PCYT1B: variants seen among roughly 807,000 people sequenced by gnomAD.
PCYT1B encodes choline-phosphate cytidylyltransferase B.
Under a neutral mutation model 26.4 loss-of-function variants are expected in PCYT1B, and 10 were observed. That is an observed-to-expected ratio of 0.38 (90% CI 0.23 to 0.64). The LOEUF is 0.64. Ranked by LOEUF, PCYT1B falls within the 30% of genes least tolerant of loss-of-function variation. The pLI, the probability that PCYT1B is intolerant of heterozygous loss-of-function variation, is 0.56. For synonymous variants in PCYT1B, 131 were observed against 108.4 expected (o/e 1.21, Z -1.29); for missense variants, 161 against 292.7 (o/e 0.55, Z 3.28).
intron 6 of PCYT1B, among the ~76,000 whole-genome samples, chrX:24,576,664 A>T (rs942982961): frequency 1.8e-5 from 2 of 111,297 alleles, no homozygotes; most frequent in Admixed American, 1.9e-4. Flanking sequence ...AGAGTCCTTG[A>T]TTTCGACCTT....
intron 7 of PCYT1B, among the ~76,000 whole-genome samples, chrX:24,571,678 G>T (rs1923832622): frequency 9.0e-6 from 1 of 111,236 alleles, no homozygotes; most frequent in South Asian, 3.8e-4. Context: ...GCACCTTGGT[G>T]GGCCAAGGCA....
intron 3 of PCYT1B, among the ~76,000 whole-genome samples, chrX:24,603,653 T>C (rs1427792067): frequency 9.1e-6 from 1 of 109,808 alleles, no homozygotes; most frequent in Non-Finnish European, 1.9e-5. Flanking sequence ...AGCCCGGGAG[T>C]TTGAGGCTGC....
At chrX:24,633,920 T>C (rs1306915709) in intron 1 of PCYT1B, among the ~76,000 whole-genome samples, 1 of 110,664 alleles carries the variant, frequency 9.0e-6, no homozygotes, top group Non-Finnish European at 1.9e-5. Flanking sequence ...AAGAAAAATA[T>C]CTATTTTTGT....
At chrX:24,627,292 G>T (rs969805945) in intron 1 of PCYT1B, among the ~76,000 whole-genome samples, 9 of 112,085 alleles carry the variant, frequency 8.0e-5, no homozygotes, top group African/African-American at 2.9e-4. Flanking sequence ...ACACTGTAAA[G>T]ACTGGCTTTC....
rs1167690967 is a variant in PCYT1B at position 24,559,696 on chromosome X, T to C, written c.*2597A>G. Reference sequence around the variant, plus strand: ...CCCCTCCAAGCTTGGGGCATATTTCTCATTCCAGCCTTAACTCACTCTTGG... The same window carrying C: ...CCCCTCCAAGCTTGGGGCATATTTCCCATTCCAGCCTTAACTCACTCTTGG... On this transcript the variant is annotated 3_prime_UTR_variant, in exon 8 of 8. Transcript: ENST00000379144. 2.7e-5 allele frequency: 3 copies of C among 111,822 alleles called. No homozygotes were observed. Among genetic ancestry groups the C allele is most frequent in the Admixed American group, 1.9e-4 (2 of 10,509 alleles). 9.2% of individuals were successfully genotyped at this position (111,822 alleles called of 1,213,427 possible).
At chrX:24,621,490 A>ATTTC (rs1181055587) in intron 1 of PCYT1B, among the ~76,000 whole-genome samples, 3 of 111,021 alleles carry the variant, frequency 2.7e-5, no homozygotes, top group African/African-American at 9.8e-5. Context: ...TTATTTATTT[A>ATTTC]TTTTGAGATG....
chrX:24,648,050 C>G (rs138798090), upstream of PCYT1B, among the ~76,000 whole-genome samples: 18 of 112,171 alleles, frequency 1.6e-4, no homozygotes, highest in Non-Finnish European at 3.4e-4. Context: ...CCATGCACTG[C>G]TCTATTTTCT....
At chrX:24,653,997 T>C (rs1416797094) in intron 1 of PCYT1B, among the ~76,000 whole-genome samples, 3 of 108,443 alleles carry the variant, frequency 2.8e-5, no homozygotes, top group Non-Finnish European at 5.7e-5. Flanking sequence ...CCTCAAATGA[T>C]CTGCCCGCCT....
rs180848053 is a variant in PCYT1B, at chrX:24,630,359, G to A, written c.118-11275C>T. The stretch of plus-strand genomic sequence containing the variant: ...CACCCAGGCTGGAGTGCAGTGGCGC[G>A]ATCTCAGCTCACTGCAACCTCCACC... On this transcript the variant is annotated intron_variant, in intron 1 of 7. Coordinates refer to ENST00000379144, the MANE Select transcript of PCYT1B (RefSeq NM_004845.5). 2.5e-3 allele frequency among the ~76,000 whole-genome samples: 284 copies of A among 111,438 alleles called. 3 individuals are homozygous for A. The highest frequency in any genetic ancestry group is 0.021 in the Admixed American group (218 of 10,463).
chrX:24,645,520 GTCTC>G (rs1272995270), intron 1 of PCYT1B, among the ~76,000 whole-genome samples: 2 of 110,964 alleles, frequency 1.8e-5, no homozygotes, highest in African/African-American at 3.3e-5. Flanking sequence ...AACAGAGTGA[GTCTC>G]TCTCTCTATT....
At chrX:24,602,804 T>G (rs1925010294) in intron 3 of PCYT1B, among the ~76,000 whole-genome samples, 1 of 111,474 alleles carries the variant, frequency 9.0e-6, no homozygotes, top group Non-Finnish European at 1.9e-5. Flanking sequence ...CTTATTTTAT[T>G]TATTTATTTA....
At chrX:24,588,562 G>T (rs1453010482) in intron 4 of PCYT1B, among the ~76,000 whole-genome samples, 1 of 111,551 alleles carries the variant, frequency 9.0e-6, no homozygotes, top group East Asian at 2.8e-4. Context: ...AGATAGTTTA[G>T]AGTAGTATGA....
rs779316769 is a variant in PCYT1B, at chrX:24,637,509, T to TATATATATATATATAAATAA, written c.117+9479_117+9480insTTATTTATATATATATATAT. On this transcript the variant is annotated intron_variant, in intron 1 of 7. Transcript: ENST00000379144. ...AAAAAAAAATATATATATATATATA[T>TATATATATATATATAAATAA]ATAAATTAGCTGAGCGTGGTGGCGT... is the stretch of plus-strand genomic sequence containing the variant. Among the ~76,000 whole-genome samples, 21 of 64,072 alleles carry TATATATATATATATAAATAA rather than the reference T, an allele frequency of 3.3e-4. 1 individual carries two copies. Among genetic ancestry groups the TATATATATATATATAAATAA allele is most frequent in the African/African-American group, 1.9e-3 (19 of 10,145 alleles). The allele number at this position is 64,072 out of a possible 115,157, so 55.6% of individuals were successfully genotyped here.
At chrX:24,668,106 A>G (rs1050750997) in intron 1 of PCYT1B, among the ~76,000 whole-genome samples, 1 of 112,370 alleles carries the variant, frequency 8.9e-6, no homozygotes, top group East Asian at 2.8e-4. Flanking sequence ...TAATAACTCA[A>G]CATTCTCTCT....
intron 2 of PCYT1B, among the ~76,000 whole-genome samples, chrX:24,618,673 A>G (rs1925597556): frequency 9.3e-6 from 1 of 107,398 alleles, no homozygotes; most frequent in Admixed American, 1.0e-4. Context: ...GCTGGAGTGC[A>G]GTGGCGCAAT....
In PCYT1B at chrX:24,624,215, C is replaced by T. The variant is rs760307228; in HGVS notation, c.118-5131G>A. On this transcript the variant is annotated intron_variant, in intron 1 of 7. Transcript: ENST00000379144. The stretch of plus-strand genomic sequence containing the variant: ...TGATCTCCTGACCTCGTGATCCGCC[C>T]GCCTTGGCCTCCCAAAGTGCTGGGA... 9.9e-5 allele frequency among the ~76,000 whole-genome samples: 11 copies of T among 111,014 alleles called. No individual in the cohort carries two copies. In the South Asian group the frequency reaches 1.5e-3, roughly 15 times the overall value.
intron 1 of PCYT1B, among the ~76,000 whole-genome samples, chrX:24,665,475 G>A (rs1465501488): frequency 9.0e-6 from 1 of 110,535 alleles, no homozygotes; most frequent in African/African-American, 3.3e-5. Context: ...ATTTTTAGTA[G>A]AGACAGGGTT....
At chrX:24,571,319 G>A (rs773475621) in intron 7 of PCYT1B, among the ~76,000 whole-genome samples, 7 of 111,246 alleles carry the variant, frequency 6.3e-5, no homozygotes, top group Non-Finnish European at 1.1e-4. Flanking sequence ...AACCGAGATC[G>A]CGCCATTGCA....
intron 2 of PCYT1B, among the ~76,000 whole-genome samples, chrX:24,617,050 C>A (rs1478183331): frequency 8.9e-6 from 1 of 111,962 alleles, no homozygotes; most frequent in African/African-American, 3.2e-5. Context: ...GGCCCCACCC[C>A]AGTTGGACTG....
Sources: allele counts gnomAD v4.1 joint callset (sites outside exome capture counted in the v4.1 genomes callset), GRCh38; gene constraint gnomAD v4.1.1; transcripts MANE v1.5; gene names NCBI Gene and HGNC (gene_info 2026-07-23, HGNC 2026-07-21).